RHOA: variants seen among roughly 807,000 people sequenced by gnomAD.
RHOA encodes the protein ras homolog family member A.
In RHOA, 3 loss-of-function variants were observed where a neutral mutation model predicts 17.5. The observed-to-expected ratio is 0.17, with a 90% CI of 0.08 to 0.44. The LOEUF (loss-of-function observed/expected upper bound fraction) is 0.44. Ranked by LOEUF, RHOA falls within the 20% of genes least tolerant of loss-of-function variation. The probability of loss-of-function intolerance (pLI) is 0.99; values close to 1 mark genes in which losing one functional copy is unlikely to be tolerated. For synonymous variants in RHOA, 98 were observed against 88.4 expected, an observed-to-expected ratio of 1.11 and a Z score of -0.61; for missense variants, 56 against 242.3, an observed-to-expected ratio of 0.23 and a Z score of 5.10.
chr3:49,410,397 C>T (rs1187928833), intron 1 of RHOA, among the ~76,000 whole-genome samples: 1 of 152,130 alleles, frequency 6.6e-6, no homozygotes, highest in Non-Finnish European at 1.5e-5. Flanking sequence ...TCTCTTCTTC[C>T]CTCCAACACA....
At chr3:49,407,324 C>A (rs2048850761) in intron 1 of RHOA, among the ~76,000 whole-genome samples, 1 of 149,852 alleles carries the variant, frequency 6.7e-6, no homozygotes, top group Non-Finnish European at 1.5e-5. Context: ...ACCTCCGCCT[C>A]CCAGGTTAAA....
chr3:49,387,454 A>AT (rs2107871526), intron 1 of RHOA, among the ~76,000 whole-genome samples: 1 of 147,582 alleles, frequency 6.8e-6, no homozygotes, highest in Non-Finnish European at 1.5e-5. Context: ...GGGGGAAAAA[A>AT]AAAAAAAGGG....
chr3:49,387,311 GCACGCAC>G (rs1296473685), intron 1 of RHOA, among the ~76,000 whole-genome samples: 2 of 150,938 alleles, frequency 1.3e-5, no homozygotes, highest in Non-Finnish European at 2.9e-5. Flanking sequence ...AGGCATGGTG[GCACGCAC>G]CTGTAGTCCC....
At chr3:49,375,628 A>G (rs777964563) in intron 1 of RHOA, 37 bp from the exon 2 acceptor site, 34 of 1,602,306 alleles carry the variant, frequency 2.1e-5, no homozygotes, top group Non-Finnish European at 2.9e-5. Flanking sequence ...TGCAATGCAC[A>G]AGAAGTCATA....
chr3:49,360,034 G>T lies in RHOA; in HGVS notation c.*175C>A, dbSNP rs897961688. The T allele has an allele frequency of 1.4e-6, 1 of 693,636 alleles. No individual in the cohort carries two copies. The highest frequency in any genetic ancestry group is 2.3e-6 in the Non-Finnish European group (1 of 442,218). The allele number at this position is 693,636 out of a possible 1,614,324, so 43.0% of individuals were successfully genotyped here. A position where few individuals can be genotyped will look rare whatever the true frequency, so the allele number is the denominator to read the frequency against. On this transcript the variant is annotated 3_prime_UTR_variant, in exon 5 of 5. Transcript: ENST00000418115. ...TCAAAAGGACCCTGGTGGGCCAGAC[G>T]GGTTGGACATCGTTAATAATCATAG...
At chr3:49,387,088 G>T (rs1157414069) in intron 1 of RHOA, among the ~76,000 whole-genome samples, 4 of 111,464 alleles carry the variant, frequency 3.6e-5, no homozygotes, top group African/African-American at 1.4e-4. Flanking sequence ...TTCCACTCCA[G>T]CCTGGGCAAC....
intron 2 of RHOA, among the ~76,000 whole-genome samples, chr3:49,369,492 G>A (rs2048116727): frequency 6.6e-6 from 1 of 151,784 alleles, no homozygotes; most frequent in South Asian, 2.1e-4. Context: ...TAGCACTTTG[G>A]GAGGCTGAGG....
chr3:49,400,324 T>C (rs1227309634), intron 1 of RHOA, among the ~76,000 whole-genome samples: 4 of 150,944 alleles, frequency 2.6e-5, no homozygotes, highest in Admixed American at 1.3e-4. Context: ...CTCCTGTTTC[T>C]ATAAGGAGAT....
At chr3:49,364,705 G>A (rs1275611851) in intron 3 of RHOA, among the ~76,000 whole-genome samples, 2 of 152,012 alleles carry the variant, frequency 1.3e-5, no homozygotes, top group African/African-American at 2.4e-5. Context: ...TAGACCAGGT[G>A]CAGTGGCTCA....
At chr3:49,369,307 G>A (rs868614187) in intron 2 of RHOA, among the ~76,000 whole-genome samples, 3 of 150,864 alleles carry the variant, frequency 2.0e-5, no homozygotes, top group South Asian at 2.1e-4. Context: ...ACAGGCATGA[G>A]CCACCACACC....
chr3:49,388,874 C>G (rs2048447161), intron 1 of RHOA, among the ~76,000 whole-genome samples: 1 of 152,162 alleles, frequency 6.6e-6, no homozygotes, highest in Non-Finnish European at 1.5e-5. Context: ...TATAGCCATA[C>G]AGTGGAGTAC....
intron 1 of RHOA, 147 bp from the exon 2 acceptor site, chr3:49,375,738 CA>C: frequency 1.4e-6 from 1 of 724,300 alleles, no homozygotes; most frequent in Non-Finnish European, 2.2e-6. Context: ...CACCTGGCAC[CA>C]AAAGGTTATA....
chr3:49,379,115 T>C (rs1559503766), intron 1 of RHOA, among the ~76,000 whole-genome samples: 1 of 152,136 alleles, frequency 6.6e-6, no homozygotes, highest in Non-Finnish European at 1.5e-5. Context: ...ATTCATAATA[T>C]ATTGTCAAAA....
chr3:49,376,618 G>A (rs2048231849), intron 1 of RHOA, among the ~76,000 whole-genome samples: 2 of 148,266 alleles, frequency 1.3e-5, no homozygotes, highest in Non-Finnish European at 3.0e-5. Context: ...ACACCAGCCT[G>A]GGGGACAGAG....
chr3:49,402,934 G>A (rs994509304), intron 1 of RHOA, among the ~76,000 whole-genome samples: 4 of 151,972 alleles, frequency 2.6e-5, no homozygotes, highest in African/African-American at 9.7e-5. Flanking sequence ...CTACTCGGGA[G>A]GCTGAAGCAG....
chr3:49,399,058 A>AAAAAAAAAAAAAAAAAAAAG (rs2048672954), intron 1 of RHOA, among the ~76,000 whole-genome samples: 1 of 55,616 alleles, frequency 1.8e-5, no homozygotes, highest in Non-Finnish European at 3.9e-5. Context: ...CCGTCTCAAA[A>AAAAAAAAAAAAAAAAAAAAG]AAAAAAAAAA....
At chr3:49,371,781 A>G (rs1575650270) in intron 2 of RHOA, among the ~76,000 whole-genome samples, 1 of 152,196 alleles carries the variant, frequency 6.6e-6, no homozygotes, top group East Asian at 1.9e-4. Flanking sequence ...CAGCACAAGA[A>G]AAATACTCAC....
chr3:49,409,530 C>T (rs1048829532), intron 1 of RHOA, among the ~76,000 whole-genome samples: 6 of 152,192 alleles, frequency 3.9e-5, no homozygotes, highest in Non-Finnish European at 7.3e-5. Flanking sequence ...CCAGCAGCTT[C>T]AAATTAGCTC....
intron 1 of RHOA, among the ~76,000 whole-genome samples, chr3:49,402,371 T>C (rs1362631244): frequency 6.6e-6 from 1 of 152,120 alleles, no homozygotes; most frequent in South Asian, 2.1e-4. Flanking sequence ...AGGAGTTTAC[T>C]TTTACCAAGT....
Sources: allele counts gnomAD v4.1 joint callset (sites outside exome capture counted in the v4.1 genomes callset), GRCh38; gene constraint gnomAD v4.1.1; transcripts MANE v1.5; gene names NCBI Gene and HGNC (gene_info 2026-07-23, HGNC 2026-07-21).